HIRA: variants seen among roughly 807,000 people sequenced by gnomAD.
HIRA encodes histone cell cycle regulator.
In HIRA, 13 loss-of-function variants were observed where a neutral mutation model predicts 126.6. The observed-to-expected ratio is 0.10, with a 90% CI of 0.07 to 0.16. The LOEUF is 0.16. HIRA is among the 10% of genes least tolerant of loss of function. HIRA has a pLI of 1.00. For missense variants in HIRA, 834 were observed against 1,314.4 expected (o/e 0.63, Z 5.65); for synonymous variants, 511 against 520.0 (o/e 0.98, Z 0.24).
At chr22:19,407,338 G>T in intron 3 of HIRA, 64 bp from the exon 4 acceptor site, 2 of 1,306,916 alleles carry the variant, frequency 1.5e-6, no homozygotes, top group Non-Finnish European at 1.1e-6. Context: ...TTTATGTAGA[G>T]TTTGGCAAGA....
intron 9 of HIRA, among the ~76,000 whole-genome samples, chr22:19,389,906 A>G (rs1010080439): frequency 1.3e-5 from 2 of 151,862 alleles, no homozygotes; most frequent in Non-Finnish European, 1.5e-5. Flanking sequence ...ATATTTCTCT[A>G]TACCAAACTA....
rs1215195546 is a variant in HIRA, at chr22:19,405,672, G to C, written c.397+114C>G. 13 of 891,412 alleles carry C rather than the reference G, an allele frequency of 1.5e-5. 1 individual carries two copies. In the South Asian group the frequency reaches 2.4e-4, roughly 16 times the overall value. The allele number at this position is 891,412 out of a possible 1,614,324, so 55.2% of individuals were successfully genotyped here. On this transcript the variant is annotated intron_variant, in intron 5 of 24. Coordinates refer to ENST00000263208, the MANE Select transcript of HIRA (RefSeq NM_003325.4). ...TGACTGATTGTGATGGGGTGGGACAGCCCAGACATAGGGCTGCTTTAAGGA... is the reference window on the plus strand; with the variant it reads ...TGACTGATTGTGATGGGGTGGGACACCCCAGACATAGGGCTGCTTTAAGGA...
intron 22 of HIRA, 25 bp from the exon 23 acceptor site, chr22:19,353,544 T>C (rs2088779888): frequency 1.3e-6 from 2 of 1,576,706 alleles, no homozygotes; most frequent in South Asian, 1.2e-5. Flanking sequence ...AGAGTTTCCA[T>C]GATGGGGCAG....
intron 21 of HIRA, among the ~76,000 whole-genome samples, chr22:19,354,398 T>C (rs1556011864): frequency 2.0e-5 from 3 of 152,220 alleles, no homozygotes; most frequent in Admixed American, 2.0e-4. Context: ...CATATGTTGG[T>C]TCCTGATGAC....
At chr22:19,361,173 G>A in intron 17 of HIRA, 64 bp downstream of exon 17, 1 of 1,191,200 alleles carries the variant, frequency 8.4e-7, no homozygotes, top group Non-Finnish European at 1.3e-6. Flanking sequence ...GGATTTGTAT[G>A]CAGTAGGGGA....
At chr22:19,355,943 T>A (rs2088807726) in intron 20 of HIRA, 78 bp from the exon 21 acceptor site, 4 of 1,014,374 alleles carry the variant, frequency 3.9e-6, no homozygotes, top group Non-Finnish European at 6.1e-6. Context: ...GAGAAATCTG[T>A]ACTCTAGGCT....
Position 19,385,681 on chromosome 22 carries a change from T to C in HIRA, c.1169A>G (p.Gln390Arg), listed in dbSNP as rs987160280. The change falls in exon 12 of 25, where the codon CAG (glutamine) becomes CGG (arginine). Residue 390 changes from glutamine (Q) to arginine (R), a missense_variant. Transcript: ENST00000263208. ...GKSLAIMTEA[Q>R]LSTAVIENPE... Reference sequence around the variant, plus strand: ...GTTCTCAATGACGGCTGTGGAGAGCTGGGCCTCGGTCATGATGGCTAGGCT... The same window carrying C: ...GTTCTCAATGACGGCTGTGGAGAGCCGGGCCTCGGTCATGATGGCTAGGCT... 2.5e-6 allele frequency: 4 copies of C among 1,614,060 alleles called. No homozygotes were observed. The highest frequency in any genetic ancestry group is 1.7e-5 in the Admixed American group (1 of 60,010).
chr22:19,385,504 C>A lies in HIRA; in HGVS notation c.1329+17G>T. ...GCATATGTCCATGTCTTTAGCGCCACCAGGCAGGGCTCTCACCTTCCTGAT... is the reference window on the plus strand; with the variant it reads ...GCATATGTCCATGTCTTTAGCGCCAACAGGCAGGGCTCTCACCTTCCTGAT... On this transcript the variant is annotated intron_variant, in intron 12 of 24. Transcript: ENST00000263208. 3.7e-6 allele frequency: 6 copies of A among 1,607,686 alleles called. No individual in the cohort carries two copies.
At chr22:19,339,189 T>C (rs540571143) in intron 24 of HIRA, among the ~76,000 whole-genome samples, 4 of 152,192 alleles carry the variant, frequency 2.6e-5, no homozygotes, top group Admixed American at 6.5e-5. Context: ...TTAAAAAATA[T>C]GCTCCTGAAT....
chr22:19,414,272 T>C (rs2146248396), intron 1 of HIRA, among the ~76,000 whole-genome samples: 1 of 152,212 alleles, frequency 6.6e-6, no homozygotes, highest in South Asian at 2.1e-4. Context: ...GAATAAAGAA[T>C]ACATTAAGGA....
intron 24 of HIRA, among the ~76,000 whole-genome samples, chr22:19,339,688 T>C (rs2088605811): frequency 6.7e-6 from 1 of 149,502 alleles, no homozygotes; most frequent in African/African-American, 2.5e-5. Flanking sequence ...AAATGAAAGA[T>C]ATTACAACTG....
At chr22:19,420,573 C>T (rs1187612485) in intron 1 of HIRA, among the ~76,000 whole-genome samples, 1 of 151,840 alleles carries the variant, frequency 6.6e-6, no homozygotes, top group Non-Finnish European at 1.5e-5. Flanking sequence ...ATACTTCTTT[C>T]CCCCCTCATT....
chr22:19,395,963 G>A (rs2089220135), intron 7 of HIRA, among the ~76,000 whole-genome samples: 1 of 152,188 alleles, frequency 6.6e-6, no homozygotes, highest in South Asian at 2.1e-4. Flanking sequence ...AGCTACTGCA[G>A]TCTGATCTCC....
intron 9 of HIRA, among the ~76,000 whole-genome samples, chr22:19,389,583 A>C (rs1381092352): frequency 6.6e-6 from 1 of 152,168 alleles, no homozygotes; most frequent in Non-Finnish European, 1.5e-5. Flanking sequence ...TGGAACCCAC[A>C]TTAAGAATCT....
rs1601809829 is a variant in HIRA at position 19,351,816 on chromosome 22, G to A, written c.2849-370C>T. Among the ~76,000 whole-genome samples, 1 of 152,140 alleles carries A rather than the reference G, an allele frequency of 6.6e-6. No individual in the cohort carries two copies. The highest frequency in any genetic ancestry group is 6.5e-5 in the Admixed American group (1 of 15,272). ...TCTTTGAGAAGATGCGCTGGCAGCT[G>A]GTGTTGAGGGGAGGTCAGGAGGGTG... On this transcript the variant is annotated intron_variant, in intron 23 of 24. Transcript: ENST00000263208. This position sits in a 1 kb window ranked among gnomAD's most constrained non-coding sequence, Gnocchi z 4.8.
intron 2 of HIRA, among the ~76,000 whole-genome samples, chr22:19,409,409 G>C (rs1032287756): frequency 6.6e-6 from 1 of 151,528 alleles, no homozygotes; most frequent in Non-Finnish European, 1.5e-5. Context: ...TCAGCCTCCC[G>C]ACTAGCTGGG....
At chr22:19,411,981 C>G (rs138691861) in intron 1 of HIRA, among the ~76,000 whole-genome samples, 18 of 152,370 alleles carry the variant, frequency 1.2e-4, no homozygotes, top group Non-Finnish European at 8.8e-5. Context: ...GTAGTCAAAT[C>G]AAGCATGAAC....
chr22:19,409,187 G>A (rs533258171), intron 2 of HIRA, among the ~76,000 whole-genome samples: 3 of 152,216 alleles, frequency 2.0e-5, no homozygotes, highest in East Asian at 3.9e-4. Context: ...ACCTACAGAC[G>A]AGAGACCACC....
intron 24 of HIRA, among the ~76,000 whole-genome samples, chr22:19,350,258 G>A (rs1375828913): frequency 6.6e-6 from 1 of 152,180 alleles, no homozygotes; most frequent in Admixed American, 6.5e-5. Context: ...GACTCAGTCT[G>A]CCTTATTCAC....
Sources: allele counts gnomAD v4.1 joint callset (sites outside exome capture counted in the v4.1 genomes callset), GRCh38; gene constraint gnomAD v4.1.1; non-coding constraint Gnocchi (gnomAD v3.1); transcripts MANE v1.5; gene names NCBI Gene and HGNC (gene_info 2026-07-23, HGNC 2026-07-21).